The following TRAPPC9 variants were observed in gnomAD, a reference collection of about 807,000 sequenced individuals.
TRAPPC9 encodes trafficking protein particle complex subunit 9, also known as IKK2 binding protein.
A neutral mutation model predicts 124.0 loss-of-function variants in TRAPPC9; 83 were observed. The ratio of observed to expected loss-of-function variants is 0.67; its 90% confidence interval spans 0.56 to 0.80. The LOEUF is 0.80. Among genes scored for constraint, TRAPPC9 ranks in the 30% least tolerant of loss-of-function variants. TRAPPC9 has a pLI of 0.00. For missense variants in TRAPPC9, 1,302 were observed against 1,508.3 expected (o/e 0.86, Z 2.27); for synonymous variants, 638 against 617.5 (o/e 1.03, Z -0.49).
chr8:140,455,212 A>C (rs1240021496), intron 1 of TRAPPC9, among the ~76,000 whole-genome samples: 1 of 152,110 alleles, frequency 6.6e-6, no homozygotes, highest in Non-Finnish European at 1.5e-5. Flanking sequence ...AGCTCACCTC[A>C]ACCTCTGCCT....
intron 18 of TRAPPC9, among the ~76,000 whole-genome samples, chr8:140,020,229 T>C (rs1839751480): frequency 6.6e-6 from 1 of 152,234 alleles, no homozygotes; most frequent in South Asian, 2.1e-4. Flanking sequence ...TTGTTCATAC[T>C]CTATAGCACT....
chr8:139,904,141 T>C (rs1369766038), intron 20 of TRAPPC9, among the ~76,000 whole-genome samples: 1 of 152,132 alleles, frequency 6.6e-6, no homozygotes, highest in Non-Finnish European at 1.5e-5. Context: ...TGGTGTTCAG[T>C]CCAACCTCTG....
intron 8 of TRAPPC9, among the ~76,000 whole-genome samples, chr8:140,364,799 T>C (rs2068062458): frequency 6.6e-6 from 1 of 152,050 alleles, no homozygotes; most frequent in Non-Finnish European, 1.5e-5. Context: ...CTCGAACTCC[T>C]GACCTCAAGT....
At chr8:140,124,209 G>A (rs554250670) in intron 17 of TRAPPC9, among the ~76,000 whole-genome samples, 68 of 152,368 alleles carry the variant, frequency 4.5e-4, no homozygotes, top group African/African-American at 1.5e-3. Flanking sequence ...TCAGAAGCCT[G>A]CACACCAGCA....
intron 3 of TRAPPC9, among the ~76,000 whole-genome samples, chr8:140,437,260 TTTTA>T (rs977057175): frequency 3.3e-5 from 5 of 152,174 alleles, no homozygotes; most frequent in African/African-American, 1.2e-4. Context: ...AGTAAGATTT[TTTTA>T]TTTTTTATTT....
intron 17 of TRAPPC9, among the ~76,000 whole-genome samples, chr8:140,100,868 G>A (rs1392547018): frequency 6.6e-6 from 1 of 152,206 alleles, no homozygotes; most frequent in African/African-American, 2.4e-5. Flanking sequence ...AGCCTGGGTG[G>A]GTTCGGAGGC....
At chr8:140,075,865 G>C (rs1396335326) in intron 17 of TRAPPC9, among the ~76,000 whole-genome samples, 5 of 152,224 alleles carry the variant, frequency 3.3e-5, no homozygotes, top group Non-Finnish European at 7.3e-5. Context: ...CTGGACACGG[G>C]GCATTTTGAC....
chr8:140,212,959 C>T (rs1235043218), intron 17 of TRAPPC9, among the ~76,000 whole-genome samples: 1 of 151,678 alleles, frequency 6.6e-6, no homozygotes, highest in Non-Finnish European at 1.5e-5. Flanking sequence ...GTCCCAGCTA[C>T]TTGGGAGGCT....
At chr8:140,032,393 T>A (rs989263550) in intron 17 of TRAPPC9, among the ~76,000 whole-genome samples, 1 of 150,166 alleles carries the variant, frequency 6.7e-6, no homozygotes, top group African/African-American at 2.4e-5. Flanking sequence ...AAAATACAAA[T>A]GTAAACTTTT....
intron 19 of TRAPPC9, among the ~76,000 whole-genome samples, chr8:139,922,282 C>G (rs1340170425): frequency 2.0e-5 from 3 of 151,974 alleles, no homozygotes; most frequent in East Asian, 3.9e-4. Flanking sequence ...CTCGCAGGTT[C>G]AAGCGGTTCT....
At chr8:140,072,788 C>T (rs1299768821) in intron 17 of TRAPPC9, among the ~76,000 whole-genome samples, 1 of 151,904 alleles carries the variant, frequency 6.6e-6, no homozygotes. Flanking sequence ...TATATCTTCA[C>T]TAGATACATC....
At chr8:140,207,750 G>A (rs978374624) in intron 17 of TRAPPC9, among the ~76,000 whole-genome samples, 11 of 152,224 alleles carry the variant, frequency 7.2e-5, no homozygotes, top group African/African-American at 2.7e-4. Context: ...CATAACCTGG[G>A]AGAATACTGA....
At chr8:140,012,742 T>A (rs1839216747) in intron 18 of TRAPPC9, among the ~76,000 whole-genome samples, 1 of 152,162 alleles carries the variant, frequency 6.6e-6, no homozygotes, top group Non-Finnish European at 1.5e-5. Context: ...GTCCCTCACC[T>A]GCAACACGGG....
At chr8:140,440,242 T>C (rs1415532184) in intron 2 of TRAPPC9, among the ~76,000 whole-genome samples, 4 of 152,182 alleles carry the variant, frequency 2.6e-5, no homozygotes, top group African/African-American at 9.7e-5. Context: ...GTGCAGTGGC[T>C]CACGCCTGTA....
intron 21 of TRAPPC9, among the ~76,000 whole-genome samples, chr8:139,795,067 T>G (rs770142913): frequency 2.6e-5 from 4 of 151,928 alleles, no homozygotes; most frequent in South Asian, 2.1e-4. Flanking sequence ...GCCTCTCAAC[T>G]CCCCAAGAAA....
chr8:140,017,634 T>C (rs1022345569), intron 18 of TRAPPC9, among the ~76,000 whole-genome samples: 1 of 152,226 alleles, frequency 6.6e-6, no homozygotes, highest in African/African-American at 2.4e-5. Flanking sequence ...TAGCTTTACA[T>C]TGTCTTAAAA....
At chr8:140,056,136 C>G (rs1479257883) in intron 17 of TRAPPC9, among the ~76,000 whole-genome samples, 2 of 152,054 alleles carry the variant, frequency 1.3e-5, no homozygotes, top group African/African-American at 4.8e-5. Context: ...TAGCCAGGCA[C>G]AGTGACTCAT....
intron 17 of TRAPPC9, among the ~76,000 whole-genome samples, chr8:140,218,657 T>C (rs1178062612): frequency 6.6e-6 from 1 of 151,842 alleles, no homozygotes; most frequent in Non-Finnish European, 1.5e-5. Context: ...TCCAGGGGTG[T>C]TGTCAAAAAT....
At chr8:139,782,642 T>C (rs182483497) in intron 21 of TRAPPC9, among the ~76,000 whole-genome samples, 1 of 152,344 alleles carries the variant, frequency 6.6e-6, no homozygotes, top group East Asian at 1.9e-4. Flanking sequence ...CTTGTTTCAA[T>C]GATCGATACC....
Sources: gnomAD v4.1 joint callset for allele counts (sites outside exome capture counted in the v4.1 genomes callset) on GRCh38, gnomAD v4.1.1 for gene constraint, MANE v1.5 for transcripts, NCBI Gene and HGNC (gene_info 2026-07-23, HGNC 2026-07-21) for gene names.